TDRD12: variants seen among roughly 807,000 people sequenced by gnomAD.
TDRD12 encodes the protein putative ATP-dependent RNA helicase TDRD12.
Under a neutral mutation model 133.5 loss-of-function variants are expected in TDRD12, and 158 were observed. That is an observed-to-expected ratio of 1.18 (90% CI 1.04 to 1.35). The LOEUF is 1.35. TDRD12 is among the 40% of genes most tolerant of loss of function. The pLI is 0.00. For missense variants in TDRD12, 1,443 were observed against 1,321.3 expected (o/e 1.09, Z -1.43); for synonymous variants, 460 against 477.9 (o/e 0.96, Z 0.49).
intron 21 of TDRD12, among the ~76,000 whole-genome samples, chr19:32,807,218 G>C (rs1175140479): frequency 8.0e-6 from 1 of 125,362 alleles, no homozygotes; most frequent in East Asian, 2.8e-4. Flanking sequence ...GGTGAGACAT[G>C]ATCTTGCCAC....
chr19:32,813,728 T>C, exon 25 of TDRD12: 3 of 1,535,522 alleles, frequency 2.0e-6, no homozygotes, highest in Non-Finnish European at 2.6e-6. Flanking sequence ...AATTGCATGA[T>C]GCAAAAGTGA....
chr19:32,820,247 A>G (rs1188821746), intron 27 of TDRD12, among the ~76,000 whole-genome samples: 1 of 152,098 alleles, frequency 6.6e-6, no homozygotes, highest in Non-Finnish European at 1.5e-5. Context: ...GTCAGAAGAC[A>G]GCACACCCCT....
At chr19:32,821,367 AGAGTGT>A, downstream of TDRD12, 1 of 486,150 alleles carries the variant, frequency 2.1e-6, no homozygotes, top group Non-Finnish European at 3.6e-6. Context: ...ACAGCTCAGC[AGAGTGT>A]GTGTGTGTGT....
At chr19:32,768,960 C>G (rs1970370647) in intron 8 of TDRD12, among the ~76,000 whole-genome samples, 1 of 152,098 alleles carries the variant, frequency 6.6e-6, no homozygotes, top group African/African-American at 2.4e-5. Context: ...CCAGGCTGGT[C>G]TCAAACTCCT....
At chr19:32,730,195 G>A (rs1969004154) in intron 1 of TDRD12, among the ~76,000 whole-genome samples, 1 of 152,252 alleles carries the variant, frequency 6.6e-6, no homozygotes, top group Admixed American at 6.5e-5. Context: ...AGACTTTAGG[G>A]CTCCCCCTCT....
At chr19:32,758,265 C>T (rs770445446) in intron 8 of TDRD12, among the ~76,000 whole-genome samples, 5 of 152,090 alleles carry the variant, frequency 3.3e-5, no homozygotes, top group African/African-American at 7.2e-5. Flanking sequence ...TCAGTGTGTC[C>T]GGGCTGGCAC....
At chr19:32,803,610 T>C (rs1657380933) in intron 21 of TDRD12, among the ~76,000 whole-genome samples, 1 of 152,170 alleles carries the variant, frequency 6.6e-6, no homozygotes, top group Admixed American at 6.5e-5. Flanking sequence ...CGCATTTCTC[T>C]TGGGTAGACG....
At chr19:32,799,259 A>T (rs1971317269) in intron 16 of TDRD12, among the ~76,000 whole-genome samples, 1 of 152,124 alleles carries the variant, frequency 6.6e-6, no homozygotes, top group East Asian at 1.9e-4. Context: ...ACTCCTCTGA[A>T]GTCTCAGGTT....
chr19:32,739,060 C>T, intron 3 of TDRD12, 68 bp downstream of exon 3: 1 of 1,528,546 alleles, frequency 6.5e-7, no homozygotes, highest in South Asian at 1.2e-5. Context: ...GGAGAACGTC[C>T]ATTTTAAAGT....
chr19:32,827,329 T>G (rs1967623377), exon 10 of TDRD12: 2 of 912,356 alleles, frequency 2.2e-6, no homozygotes, highest in African/African-American at 3.5e-5. Flanking sequence ...GACCGACAGT[T>G]AAGAAAACAG....
chr19:32,802,856 C>A, intron 20 of TDRD12, 66 bp from the exon 21 acceptor site: 1 of 1,529,086 alleles, frequency 6.5e-7, no homozygotes, highest in Admixed American at 2.0e-5. Flanking sequence ...AGCTCAGAGT[C>A]CACAAGGTTT....
chr19:32,739,474 TTCCTGCATCTCCTGGGG>T (rs1969330269), intron 3 of TDRD12, among the ~76,000 whole-genome samples: 1 of 145,344 alleles, frequency 6.9e-6, no homozygotes, highest in African/African-American at 2.6e-5. Context: ...CCTGGGGTTC[TTCCTGCATCTCCTGGGG>T]CTCTTTCTGC....
chr19:32,808,060 C>T (rs1201614835), intron 22 of TDRD12, among the ~76,000 whole-genome samples: 1 of 152,022 alleles, frequency 6.6e-6, no homozygotes. Flanking sequence ...CTTGTCTCTA[C>T]AAACAGATTT....
At chr19:32,744,821 T>G (rs1419924843) in intron 4 of TDRD12, among the ~76,000 whole-genome samples, 1 of 152,154 alleles carries the variant, frequency 6.6e-6, no homozygotes. Flanking sequence ...GATGGCATTA[T>G]GGAAGGAAAA....
intron 8 of TDRD12, among the ~76,000 whole-genome samples, chr19:32,764,984 A>G (rs1039976173): frequency 8.5e-5 from 13 of 152,168 alleles, no homozygotes; most frequent in Non-Finnish European, 1.9e-4. Flanking sequence ...TTTGCAATCT[A>G]CTCATCTGAC....
intron 13 of TDRD12, among the ~76,000 whole-genome samples, chr19:32,791,769 G>T (rs921951743): frequency 1.3e-5 from 2 of 152,056 alleles, no homozygotes; most frequent in Non-Finnish European, 2.9e-5. Context: ...ACCTTCAGAT[G>T]ATGCTATTTG....
chr19:32,791,572 CCA>C (rs775249582), intron 13 of TDRD12, among the ~76,000 whole-genome samples: 2 of 151,992 alleles, frequency 1.3e-5, no homozygotes, highest in Non-Finnish European at 2.9e-5. Flanking sequence ...TGGACAGATT[CCA>C]CAGTCTTAGA....
chr19:32,807,504 A>G, intron 21 of TDRD12, 45 bp from the exon 22 acceptor site: 2 of 1,326,272 alleles, frequency 1.5e-6, no homozygotes, highest in Non-Finnish European at 2.0e-6. Flanking sequence ...ATTCACATTA[A>G]CAATTATTAC....
At chr19:32,736,460 AT>A (rs1969227259) in intron 2 of TDRD12, among the ~76,000 whole-genome samples, 1 of 152,204 alleles carries the variant, frequency 6.6e-6, no homozygotes, top group African/African-American at 2.4e-5. Context: ...TCATGGAGAT[AT>A]ATGAGATGAA....
Sources: gnomAD v4.1 joint callset for allele counts (sites outside exome capture counted in the v4.1 genomes callset) on GRCh38, gnomAD v4.1.1 for gene constraint, MANE v1.5 for transcripts, NCBI Gene and HGNC (gene_info 2026-07-23, HGNC 2026-07-21) for gene names.